Variants in PTPRD observed in about 807,000 individuals in gnomAD.
PTPRD encodes the protein receptor-type tyrosine-protein phosphatase delta.
A neutral mutation model predicts 214.5 loss-of-function variants in PTPRD; 34 were observed. The observed-to-expected ratio is 0.16, with a 90% CI of 0.12 to 0.21. The LOEUF is 0.21. Among genes scored for constraint, PTPRD ranks in the 10% least tolerant of loss-of-function variants. PTPRD has a pLI of 1.00. For missense variants in PTPRD, 2,545 were observed against 2,398.7 expected, an observed-to-expected ratio of 1.06 and a Z score of -1.27; for synonymous variants, 1,128 against 845.7, an observed-to-expected ratio of 1.33 and a Z score of -5.79.
chr9:9,421,107 T>C (rs1325937809), intron 8 of PTPRD, among the ~76,000 whole-genome samples: 1 of 151,992 alleles, frequency 6.6e-6, no homozygotes, highest in Non-Finnish European at 1.5e-5. Flanking sequence ...ATACAATTTA[T>C]GAGGTCTAAC....
At chr9:8,579,702 G>C (rs924682118) in intron 14 of PTPRD, among the ~76,000 whole-genome samples, 6 of 152,214 alleles carry the variant, frequency 3.9e-5, no homozygotes, top group African/African-American at 1.2e-4. Context: ...ATCTGGGAAA[G>C]GCTTCATAGA....
intron 30 of PTPRD, 68 bp from the exon 31 acceptor site, chr9:8,471,153 C>T (rs2134963406): frequency 1.5e-6 from 2 of 1,347,636 alleles, no homozygotes; most frequent in Non-Finnish European, 2.1e-6. Flanking sequence ...TACCCTTAAA[C>T]CTTCCACAGA....
At chr9:10,254,582 A>C (rs2093079226) in intron 3 of PTPRD, among the ~76,000 whole-genome samples, 3 of 152,204 alleles carry the variant, frequency 2.0e-5, no homozygotes, top group Admixed American at 1.3e-4. Flanking sequence ...GTGCTCAGTG[A>C]CAATCGAGAT....
chr9:8,608,659 G>A (rs1047480182), intron 14 of PTPRD, among the ~76,000 whole-genome samples: 2 of 152,086 alleles, frequency 1.3e-5, no homozygotes, highest in South Asian at 2.1e-4. Context: ...GGAAAATCAC[G>A]GCGTTTAGTA....
chr9:10,279,338 A>G (rs889182553), intron 3 of PTPRD, among the ~76,000 whole-genome samples: 10 of 152,186 alleles, frequency 6.6e-5, no homozygotes, highest in Non-Finnish European at 1.5e-4. Context: ...TAGACATAAC[A>G]GTTTGGTGAT....
At chr9:10,316,188 T>TAG (rs2096424667) in intron 3 of PTPRD, among the ~76,000 whole-genome samples, 5 of 141,608 alleles carry the variant, frequency 3.5e-5, no homozygotes, top group African/African-American at 1.1e-4. Flanking sequence ...TAGATATACA[T>TAG]ATATATAGAC....
chr9:9,484,259 G>A (rs959594085), intron 8 of PTPRD, among the ~76,000 whole-genome samples: 7 of 151,886 alleles, frequency 4.6e-5, no homozygotes, highest in Non-Finnish European at 7.4e-5. Flanking sequence ...TCAGTCTGAT[G>A]AATTCAAAAA....
intron 11 of PTPRD, among the ~76,000 whole-genome samples, chr9:8,975,804 G>T (rs949229416): frequency 4.1e-5 from 6 of 147,164 alleles, no homozygotes; most frequent in Non-Finnish European, 9.1e-5. Context: ...ATATATATTT[G>T]TATATATATA....
chr9:10,019,977 A>C (rs1204092870), intron 4 of PTPRD, among the ~76,000 whole-genome samples: 1 of 152,188 alleles, frequency 6.6e-6, no homozygotes, highest in Non-Finnish European at 1.5e-5. Flanking sequence ...TAATTCATAT[A>C]CAGGTTAATG....
At chr9:10,596,261 CAG>C (rs1429526463) in intron 2 of PTPRD, among the ~76,000 whole-genome samples, 1 of 151,564 alleles carries the variant, frequency 6.6e-6, no homozygotes, top group African/African-American at 2.4e-5. Flanking sequence ...TTTAATAAGA[CAG>C]AACTTACATT....
At chr9:9,699,403 T>G (rs1205184830) in intron 7 of PTPRD, among the ~76,000 whole-genome samples, 1 of 152,188 alleles carries the variant, frequency 6.6e-6, no homozygotes, top group Non-Finnish European at 1.5e-5. Flanking sequence ...AAAATTCCTT[T>G]TTGTTCTTTT....
intron 11 of PTPRD, among the ~76,000 whole-genome samples, chr9:8,944,979 GAC>G (rs2154297801): frequency 6.6e-6 from 1 of 152,056 alleles, no homozygotes; most frequent in South Asian, 2.1e-4. Flanking sequence ...ATGTGATTAT[GAC>G]ACATTGTATA....
chr9:8,875,733 T>A (rs1394307572), intron 11 of PTPRD, among the ~76,000 whole-genome samples: 1 of 152,154 alleles, frequency 6.6e-6, no homozygotes, highest in Non-Finnish European at 1.5e-5. Context: ...TGTATAATAT[T>A]TCATGATTTT....
At chr9:9,692,160 T>C (rs1159949410) in intron 7 of PTPRD, among the ~76,000 whole-genome samples, 1 of 152,148 alleles carries the variant, frequency 6.6e-6, no homozygotes, top group Non-Finnish European at 1.5e-5. Flanking sequence ...TTGCTTTGGT[T>C]GCCTATGCTT....
chr9:8,936,545 T>C (rs1368062622), intron 11 of PTPRD, among the ~76,000 whole-genome samples: 2 of 151,940 alleles, frequency 1.3e-5, no homozygotes, highest in African/African-American at 2.4e-5. Context: ...GCAACTATAA[T>C]TGGTTTAGTT....
intron 9 of PTPRD, among the ~76,000 whole-genome samples, chr9:9,262,960 C>A (rs1415859541): frequency 6.6e-6 from 1 of 151,598 alleles, no homozygotes; most frequent in African/African-American, 2.4e-5. Flanking sequence ...CATTTCTACT[C>A]CCACCCTGGC....
At chr9:9,420,418 T>C (rs1334114482) in intron 8 of PTPRD, among the ~76,000 whole-genome samples, 1 of 151,868 alleles carries the variant, frequency 6.6e-6, no homozygotes, top group East Asian at 1.9e-4. Context: ...TTGTTTATCA[T>C]GATAGGTTCT....
intron 5 of PTPRD, among the ~76,000 whole-genome samples, chr9:9,852,364 G>A (rs866550778): frequency 4.0e-5 from 6 of 151,840 alleles, no homozygotes; most frequent in African/African-American, 9.7e-5. Flanking sequence ...CCATCAATAC[G>A]AAAGCTACCC....
At chr9:8,460,342 G>T in intron 33 of PTPRD, 69 bp downstream of exon 33, 1 of 1,572,498 alleles carries the variant, frequency 6.4e-7, no homozygotes. Context: ...AAGGACAGCA[G>T]AACAATGATC....
Sources: gnomAD v4.1 joint callset for allele counts (sites outside exome capture counted in the v4.1 genomes callset) on GRCh38, gnomAD v4.1.1 for gene constraint, MANE v1.5 for transcripts, NCBI Gene and HGNC (gene_info 2026-07-23, HGNC 2026-07-21) for gene names.